Variants in LIMK2 observed in about 807,000 individuals in gnomAD.
LIMK2 encodes the protein LIM domain kinase 2.
Under a neutral mutation model 75.7 loss-of-function variants are expected in LIMK2, and 35 were observed. That is an observed-to-expected ratio of 0.46 (90% CI 0.35 to 0.61). The LOEUF (loss-of-function observed/expected upper bound fraction) is 0.61, where lower values mean the gene tolerates loss of function less well. LIMK2 is among the 20% of genes least tolerant of loss of function. The probability of loss-of-function intolerance (pLI) is 0.00; values close to 1 mark genes in which losing one functional copy is unlikely to be tolerated. For synonymous variants in LIMK2, 301 were observed against 319.2 expected (o/e 0.94, Z 0.61); for missense variants, 623 against 831.0 (o/e 0.75, Z 3.08).
At chr22:31,276,387 C>T (rs896324207) in intron 15 of LIMK2, among the ~76,000 whole-genome samples, 2 of 152,134 alleles carry the variant, frequency 1.3e-5, no homozygotes, top group Admixed American at 1.3e-4. Flanking sequence ...CAACTCCACC[C>T]TCCCAGGATA....
At chr22:31,266,916 G>T (rs1601438949) in intron 8 of LIMK2, 68 bp from the exon 9 acceptor site, 1 of 1,135,620 alleles carries the variant, frequency 8.8e-7, no homozygotes, top group South Asian at 1.3e-5. Flanking sequence ...CAGCTGCATA[G>T]ATTTTCTCAA....
intron 14 of LIMK2, 131 bp from the exon 15 acceptor site, chr22:31,275,020 A>G: frequency 2.5e-6 from 2 of 808,308 alleles, no homozygotes; most frequent in Non-Finnish European, 4.2e-6. Context: ...GGGATTGGGG[A>G]GAGCTCTCTA....
intron 11 of LIMK2, 99 bp downstream of exon 11, chr22:31,268,299 T>G (rs2048917181): frequency 1.0e-6 from 1 of 960,918 alleles, no homozygotes; most frequent in South Asian, 1.3e-5. Context: ...CTATGCAACT[T>G]GTGTGGGCTG....
intron 1 of LIMK2, among the ~76,000 whole-genome samples, chr22:31,217,280 C>T (rs956468091): frequency 6.6e-6 from 1 of 152,018 alleles, no homozygotes; most frequent in African/African-American, 2.4e-5. Context: ...TGCCTGTAAT[C>T]CCAGCTACTC....
chr22:31,233,418 T>A (rs2048544951), intron 2 of LIMK2, among the ~76,000 whole-genome samples: 1 of 152,240 alleles, frequency 6.6e-6, no homozygotes, highest in Admixed American at 6.5e-5. Context: ...CCTGGTTTTC[T>A]CTTACCTCTC....
chr22:31,219,939 T>C (rs1242751505), intron 1 of LIMK2, among the ~76,000 whole-genome samples: 1 of 152,144 alleles, frequency 6.6e-6, no homozygotes, highest in African/African-American at 2.4e-5. Context: ...GTAAACACTA[T>C]AGAGGGAGAG....
intron 15 of LIMK2, chr22:31,275,541 A>G (rs992635702): frequency 2.9e-4 from 148 of 510,554 alleles, no homozygotes; most frequent in African/African-American, 2.7e-3. Context: ...CCATTAAAAG[A>G]AAGTTTAAAA....
At chr22:31,275,352 C>T (rs535699594) in intron 15 of LIMK2, 44 bp downstream of exon 15, 41 of 1,605,168 alleles carry the variant, frequency 2.6e-5, no homozygotes, top group Middle Eastern at 1.7e-4. Flanking sequence ...GGTCCTGGGA[C>T]GTTTGCCTCT....
intron 11 of LIMK2, among the ~76,000 whole-genome samples, chr22:31,270,031 G>A (rs527379793): frequency 1.3e-5 from 2 of 152,206 alleles, no homozygotes; most frequent in East Asian, 3.9e-4. Context: ...TGGGGGATGG[G>A]GGATAGCCAT....
At chr22:31,272,368 C>A in intron 12 of LIMK2, 162 bp from the exon 13 acceptor site, 1 of 585,242 alleles carries the variant, frequency 1.7e-6, no homozygotes, top group Non-Finnish European at 2.8e-6. Context: ...AGCCACCGTG[C>A]CTGGCCTGAG....
rs781151105 is a variant in LIMK2, at chr22:31,262,215, C to G, written c.633C>G (p.Pro211=). The change falls in exon 6 of 16, where the codon CCC becomes CCG. Residue 211 remains proline, a synonymous_variant. Coordinates refer to ENST00000331728, the MANE Select transcript of LIMK2 (RefSeq NM_005569.4). The surrounding 1 kb of genome is among the most constrained non-coding windows in gnomAD (Gnocchi z 5.0). The stretch of plus-strand genomic sequence containing the variant: ...GCATCCTGGAGATCAATGGGACCCC[C>G]GTCCGCACACTTCGAGTGGAGGAGG... The part of the protein sequence containing the change: ...GDRILEINGT[P]VRTLRVEEVE... The G allele has an allele frequency of 2.5e-6, 4 of 1,613,736 alleles. No homozygotes were observed.
intron 15 of LIMK2, among the ~76,000 whole-genome samples, chr22:31,276,535 G>T (rs1278563020): frequency 6.8e-6 from 1 of 146,838 alleles, no homozygotes; most frequent in East Asian, 2.0e-4. Context: ...GACCAGGCCA[G>T]GCCCGGGGGC....
At chr22:31,275,612 T>TGC in intron 15 of LIMK2, 4 of 291,650 alleles carry the variant, frequency 1.4e-5, no homozygotes, top group South Asian at 1.3e-4. Context: ...GATATTCCCC[T>TGC]GTCCATATCT....
intron 15 of LIMK2, chr22:31,277,444 C>G (rs1010438669): frequency 2.6e-6 from 3 of 1,160,240 alleles, no homozygotes; most frequent in Non-Finnish European, 3.2e-6. Flanking sequence ...TGATTTCCAG[C>G]GGTCCACATT....
chr22:31,230,896 A>G (rs189776937), intron 2 of LIMK2, among the ~76,000 whole-genome samples: 33 of 152,326 alleles, frequency 2.2e-4, no homozygotes, highest in African/African-American at 7.7e-4. Flanking sequence ...TAATTACAGT[A>G]ATAGGTACCA....
chr22:31,248,863 T>C, intron 2 of LIMK2: 2 of 1,342,944 alleles, frequency 1.5e-6, no homozygotes, highest in South Asian at 2.4e-5. Flanking sequence ...ACTTAGTCCT[T>C]TACCATCGGT....
chr22:31,254,418 C>T (rs1384254098), intron 2 of LIMK2, among the ~76,000 whole-genome samples: 1 of 152,216 alleles, frequency 6.6e-6, no homozygotes, highest in Non-Finnish European at 1.5e-5. Flanking sequence ...TGGTTCTTGC[C>T]ACTCCTACCA....
rs770561524 is a variant in LIMK2, at chr22:31,260,008, G to A, written c.482G>A (p.Gly161Asp). 23 of 1,611,056 alleles carry A rather than the reference G, an allele frequency of 1.4e-5. No individual in the cohort carries two copies. Among genetic ancestry groups the A allele is most frequent in the Non-Finnish European group, 2.0e-5 (23 of 1,179,230 alleles). ...ATCTCCATGCCGGCCACCACTGAAG[G>A]CAGGCGGGGCTTCTCCGTGTCCGTG... is the stretch of plus-strand genomic sequence containing the variant. The part of the protein sequence containing the change: ...TLISMPATTE[G>D]RRGFSVSVES... Residue 161 changes from glycine to aspartate, a missense_variant, in exon 5 of 16, where the codon GGC becomes GAC. Gly to Asp is a moderately conservative substitution (Grantham distance 94). Transcript: ENST00000331728.
chr22:31,217,490 G>A (rs543143818), intron 1 of LIMK2, among the ~76,000 whole-genome samples: 3 of 151,934 alleles, frequency 2.0e-5, no homozygotes, highest in South Asian at 4.2e-4. Flanking sequence ...TTCCTCTTCC[G>A]TAAAATGAGA....
Sources: gnomAD v4.1 joint callset for allele counts (sites outside exome capture counted in the v4.1 genomes callset) on GRCh38, gnomAD v4.1.1 for gene constraint, Gnocchi (gnomAD v3.1) non-coding constraint, MANE v1.5 for transcripts, NCBI Gene and HGNC (gene_info 2026-07-23, HGNC 2026-07-21) for gene names.